Variants in MICAL3 observed in about 807,000 individuals in gnomAD.
The protein encoded by MICAL3 is microtubule associated monooxygenase, calponin and LIM domain containing 3, also known as [F-actin]-monooxygenase MICAL3.
Under a neutral mutation model 207.4 loss-of-function variants are expected in MICAL3, and 62 were observed. The observed-to-expected ratio is 0.30, with a 90% confidence interval of 0.24 to 0.37. The LOEUF (loss-of-function observed/expected upper bound fraction) is 0.37. MICAL3 is among the 10% of genes least tolerant of loss of function. The probability of loss-of-function intolerance (pLI) is 1.00; values close to 1 mark genes in which losing one functional copy is unlikely to be tolerated. For missense variants in MICAL3, 2,368 were observed against 2,635.6 expected, an observed-to-expected ratio of 0.90 and a Z score of 2.22; for synonymous variants, 1,077 against 1,069.3, an observed-to-expected ratio of 1.01 and a Z score of -0.14.
At chr22:17,859,958 G>A (rs868098252) in intron 19 of MICAL3, among the ~76,000 whole-genome samples, 14 of 152,272 alleles carry the variant, frequency 9.2e-5, no homozygotes, top group Middle Eastern at 6.8e-3. Context: ...CCCTACACAG[G>A]AGTCCTCTGT....
At chr22:17,863,797 G>A (rs913162675) in intron 19 of MICAL3, 192 of 985,322 alleles carry the variant, frequency 1.9e-4, no homozygotes, top group Non-Finnish European at 2.2e-4. Context: ...GGAACCTCTC[G>A]TTGAAGGCCA....
intron 1 of MICAL3, among the ~76,000 whole-genome samples, chr22:17,972,254 A>G (rs540715740): frequency 6.6e-6 from 1 of 152,372 alleles, no homozygotes; most frequent in African/African-American, 2.4e-5. Context: ...TCTTGAGACA[A>G]GAAAATATAT....
chr22:17,906,594 G>C lies in MICAL3; in HGVS notation c.219C>G (p.Gly73=), dbSNP rs756063503. The change falls in exon 2 of 32, where the codon GGC becomes GGG. Residue 73 remains glycine, a synonymous_variant. Transcript: ENST00000441493. The stretch of plus-strand genomic sequence containing the variant: ...TTCCCTTTTTGTAGTCTTTGTGACT[G>C]CCCCGTTTGTCCAATTTTGCCCAGA... ...KALWAKLDKR[G]SHKDYKKGKA... 6.2e-7 allele frequency: 1 copy of C among 1,613,510 alleles called. No homozygotes were observed. The highest frequency in any genetic ancestry group is 8.5e-7 in the Non-Finnish European group (1 of 1,179,586).
At chr22:18,017,057 CACTA>C (rs1788177731) in intron 1 of MICAL3, among the ~76,000 whole-genome samples, 2 of 152,080 alleles carry the variant, frequency 1.3e-5, no homozygotes, top group Admixed American at 1.3e-4. Flanking sequence ...ACTAATTTAC[CACTA>C]ACTTTCTTGC....
At position 17,899,192 on chromosome 22, in the gene MICAL3, T is replaced by C. The variant is rs541229196; in HGVS notation, c.948+256A>G. 1.9e-5 allele frequency: 10 copies of C among 525,274 alleles called. No individual in the cohort carries two copies. The East Asian group carries it at 3.6e-4, about 19-fold the overall frequency. The allele number at this position is 525,274 out of a possible 1,614,324, so 32.5% of individuals were successfully genotyped here. A position where few individuals can be genotyped will look rare whatever the true frequency, so the allele number is the denominator to read the frequency against. On this transcript the variant is annotated intron_variant, in intron 7 of 31. Transcript: ENST00000441493. ...TATTACTGACAGAACACTGGCCACGTGTTGAGAACTGTGAAAGCTGGACGG... is the reference window on the plus strand; with the variant it reads ...TATTACTGACAGAACACTGGCCACGCGTTGAGAACTGTGAAAGCTGGACGG...
chr22:17,830,356 G>A (rs1166610344), intron 21 of MICAL3, among the ~76,000 whole-genome samples: 1 of 152,214 alleles, frequency 6.6e-6, no homozygotes, highest in Non-Finnish European at 1.5e-5. Context: ...GTATGTGTTT[G>A]TGTAGTTAAA....
chr22:17,953,131 A>G (rs1380075891), intron 1 of MICAL3, among the ~76,000 whole-genome samples: 2 of 152,208 alleles, frequency 1.3e-5, no homozygotes, highest in African/African-American at 2.4e-5. Context: ...AAGCACTCCC[A>G]TATCTTTCCT....
At chr22:17,877,323 AGGGAG>A (rs1928786492) in intron 16 of MICAL3, among the ~76,000 whole-genome samples, 1 of 127,280 alleles carries the variant, frequency 7.9e-6, no homozygotes, top group Non-Finnish European at 1.6e-5. Context: ...TAGGGAGGTT[AGGGAG>A]GTTATGGAGG....
At position 17,845,467 on chromosome 22, in the gene MICAL3, C is replaced by T. The variant is rs117910428; in HGVS notation, c.2606-3450G>A. Among the ~76,000 whole-genome samples the T allele has an allele frequency of 8.5e-5, 13 of 152,208 alleles. No individual in the cohort carries two copies. In the East Asian group the frequency reaches 1.4e-3, roughly 16 times the overall value. ...CCCTGCAGGAATCCTTTCGGTACGACGTGTCAAGTACCATGAGCCACGTAT... is the reference window on the plus strand; with the variant it reads ...CCCTGCAGGAATCCTTTCGGTACGATGTGTCAAGTACCATGAGCCACGTAT... On this transcript the variant is annotated intron_variant, in intron 19 of 31. Transcript: ENST00000441493.
At chr22:17,916,055 CAAAAA>C (rs755146574) in intron 1 of MICAL3, among the ~76,000 whole-genome samples, 4 of 57,832 alleles carry the variant, frequency 6.9e-5, no homozygotes, top group East Asian at 1.4e-3. Flanking sequence ...GATCCAGTCT[CAAAAA>C]AAAAAAAAAA....
intron 25 of MICAL3, 48 bp downstream of exon 25, chr22:17,821,379 G>A: frequency 6.8e-7 from 1 of 1,476,154 alleles, no homozygotes; most frequent in Non-Finnish European, 9.2e-7. Flanking sequence ...ATGTGTCCTT[G>A]GGGTCCCATT....
chr22:18,016,377 T>A (rs1032997509), intron 1 of MICAL3, among the ~76,000 whole-genome samples: 1 of 152,200 alleles, frequency 6.6e-6, no homozygotes, highest in African/African-American at 2.4e-5. Flanking sequence ...TCCAGTCAGG[T>A]TTATTCAGGT....
chr22:17,864,699 C>G, intron 19 of MICAL3, 200 bp downstream of exon 19: 1 of 1,612,132 alleles, frequency 6.2e-7, no homozygotes, highest in South Asian at 1.1e-5. Context: ...TGATTTGCAC[C>G]AGCACCTCCG....
In MICAL3 at chr22:17,906,813, G is replaced by A. The variant is rs769791032; in HGVS notation, c.-1C>T. ...TGGTCTCATGCTTCCTCTCCTCCAT[G>A]CTGCCTCACTCTCAGCACTCCCCAG... On this transcript the variant is annotated 5_prime_UTR_variant, in exon 2 of 32. Coordinates refer to ENST00000441493, the MANE Select transcript of MICAL3 (RefSeq NM_015241.3). The A allele has an allele frequency of 6.3e-7, 1 of 1,597,136 alleles. No homozygotes were observed. The highest frequency in any genetic ancestry group is 8.5e-7 in the Non-Finnish European group (1 of 1,169,726).
chr22:17,821,555 G>A (rs1921640577), intron 24 of MICAL3, 46 bp from the exon 25 acceptor site: 1 of 1,475,114 alleles, frequency 6.8e-7, no homozygotes, highest in African/African-American at 1.4e-5. Flanking sequence ...GCCCCCCCAT[G>A]TGCCAGGAAG....
intron 1 of MICAL3, chr22:18,019,805 G>GTTTTT (rs1569169676): frequency 2.3e-5 from 3 of 128,242 alleles, no homozygotes; most frequent in African/African-American, 1.1e-4. Context: ...GAATGCTGCT[G>GTTTTT]ATTTTTTTTT....
At chr22:17,810,231 T>G (rs2062031020) in intron 28 of MICAL3, among the ~76,000 whole-genome samples, 1 of 151,616 alleles carries the variant, frequency 6.6e-6, no homozygotes, top group Non-Finnish European at 1.5e-5. Context: ...CCTGGCTAAT[T>G]TTTTGTATTT....
chr22:17,793,463 C>T lies in MICAL3; in HGVS notation c.5651-2162G>A, dbSNP rs1020425625. Among the ~76,000 whole-genome samples the T allele has an allele frequency of 3.9e-5, 6 of 152,158 alleles. No individual in the cohort carries two copies. The highest frequency in any genetic ancestry group is 2.1e-4 in the South Asian group (1 of 4,830). Reference sequence around the variant, plus strand: ...GATCTGAGACTTAAAGCCCCAGCCACGAAGGGCCAGCCAATGCTGCAGCCC... The same window carrying T: ...GATCTGAGACTTAAAGCCCCAGCCATGAAGGGCCAGCCAATGCTGCAGCCC... On this transcript the variant is annotated intron_variant, in intron 29 of 31. Coordinates refer to ENST00000441493, the MANE Select transcript of MICAL3 (RefSeq NM_015241.3). This position sits in a 1 kb window ranked among gnomAD's most constrained non-coding sequence, Gnocchi z 4.1.
At chr22:17,833,656 G>T (rs1338940828) in intron 20 of MICAL3, among the ~76,000 whole-genome samples, 2 of 152,196 alleles carry the variant, frequency 1.3e-5, no homozygotes, top group African/African-American at 2.4e-5. Context: ...GTCACTGTTT[G>T]CCGGAGACCC....
Sources: gnomAD v4.1 joint callset for allele counts (sites outside exome capture counted in the v4.1 genomes callset) on GRCh38, gnomAD v4.1.1 for gene constraint, Gnocchi (gnomAD v3.1) non-coding constraint, MANE v1.5 for transcripts, NCBI Gene and HGNC (gene_info 2026-07-23, HGNC 2026-07-21) for gene names.